The following L3MBTL4 variants were observed in gnomAD, a reference collection of about 807,000 sequenced individuals.
The protein encoded by L3MBTL4 is lethal(3)malignant brain tumor-like protein 4.
Under a neutral mutation model 84.5 loss-of-function variants are expected in L3MBTL4, and 70 were observed. The observed-to-expected ratio is 0.83, with a 90% CI of 0.68 to 1.01. The LOEUF (loss-of-function observed/expected upper bound fraction) is 1.01, where lower values mean the gene tolerates loss of function less well. Ranked by LOEUF, L3MBTL4 falls within the 50% of genes least tolerant of loss-of-function variation. The pLI, the probability that L3MBTL4 is intolerant of heterozygous loss-of-function variation, is 0.00. For missense variants in L3MBTL4, 715 were observed against 754.8 expected (o/e 0.95, Z 0.62); for synonymous variants, 274 against 259.8 (o/e 1.05, Z -0.52).
intron 7 of L3MBTL4, 111 bp downstream of exon 7, chr18:6,243,183 G>T: frequency 3.2e-6 from 3 of 937,536 alleles, no homozygotes; most frequent in Non-Finnish European, 4.5e-6. Context: ...ATTTCATTTT[G>T]GAAATCAATC....
chr18:6,332,851 A>C (rs1258064855), intron 1 of L3MBTL4, among the ~76,000 whole-genome samples: 1 of 152,250 alleles, frequency 6.6e-6, no homozygotes, highest in Non-Finnish European at 1.5e-5. Flanking sequence ...CAGACTAATA[A>C]AAATGTTGAA....
chr18:6,082,286 T>C (rs932939528), intron 15 of L3MBTL4: 2 of 152,186 alleles, frequency 1.3e-5, no homozygotes, highest in Non-Finnish European at 2.9e-5. Flanking sequence ...ATATTCAACA[T>C]ATGTATCATC....
chr18:6,383,906 A>G (rs1024446105), intron 1 of L3MBTL4, among the ~76,000 whole-genome samples: 2 of 152,230 alleles, frequency 1.3e-5, no homozygotes, highest in Admixed American at 6.5e-5. Flanking sequence ...AGGATCAGGT[A>G]CAGTTTTTAA....
chr18:5,969,509 T>C lies in L3MBTL4; in HGVS notation c.1498A>G (p.Thr500Ala), dbSNP rs967956699. 1 of 1,613,584 alleles carries C rather than the reference T, an allele frequency of 6.2e-7. No individual in the cohort carries two copies. The highest frequency in any genetic ancestry group is 8.5e-7 in the Non-Finnish European group (1 of 1,179,884). ...TCCCGAAAAGGGTGGGCTGACACCGTGGACATGGACACTGACTGGTGAAGC... is the reference window on the plus strand; with the variant it reads ...TCCCGAAAAGGGTGGGCTGACACCGCGGACATGGACACTGACTGGTGAAGC... The part of the protein sequence containing the change: ...QVLHQSVSMS[T>A]VSAHPFRDLP... The change falls in exon 17 of 19, where the codon ACG (threonine) becomes GCG (alanine). Residue 500 changes from threonine (T) to alanine (A), a missense_variant. Transcript: ENST00000317931.
intron 5 of L3MBTL4, chr18:6,258,868 C>G (rs1220080899): frequency 6.6e-6 from 1 of 152,152 alleles, no homozygotes; most frequent in Admixed American, 6.6e-5. Flanking sequence ...TGTGAGCAGA[C>G]ACACATGCAC....
chr18:6,371,395 T>C (rs1480962195), intron 1 of L3MBTL4, among the ~76,000 whole-genome samples: 1 of 152,162 alleles, frequency 6.6e-6, no homozygotes, highest in Non-Finnish European at 1.5e-5. Flanking sequence ...GGCTGGTTAC[T>C]CTGTAAGCGA....
At chr18:6,140,951 T>C (rs1248289806) in intron 13 of L3MBTL4, among the ~76,000 whole-genome samples, 1 of 151,778 alleles carries the variant, frequency 6.6e-6, no homozygotes, top group Non-Finnish European at 1.5e-5. Context: ...GTCAGTATTT[T>C]CATGAAATCT....
intron 1 of L3MBTL4, among the ~76,000 whole-genome samples, chr18:6,387,374 T>C (rs1457077818): frequency 6.6e-6 from 1 of 152,222 alleles, no homozygotes; most frequent in East Asian, 1.9e-4. Context: ...GAAAGTTAGT[T>C]GTATTAACAG....
At chr18:6,301,440 T>C (rs2050334633) in intron 4 of L3MBTL4, among the ~76,000 whole-genome samples, 2 of 152,206 alleles carry the variant, frequency 1.3e-5, no homozygotes, top group Non-Finnish European at 2.9e-5. Flanking sequence ...ATGAAAAGGC[T>C]ATTATCTAAA....
At chr18:6,173,036 G>T (rs1011277481) in intron 12 of L3MBTL4, among the ~76,000 whole-genome samples, 24 of 152,096 alleles carry the variant, frequency 1.6e-4, no homozygotes, top group African/African-American at 5.6e-4. Context: ...GCAAATTCTT[G>T]GCTCCACCTC....
At chr18:5,969,659 A>C (rs1297901306) in intron 16 of L3MBTL4, 97 bp from the exon 17 acceptor site, 1 of 1,263,812 alleles carries the variant, frequency 7.9e-7, no homozygotes, top group Middle Eastern at 2.8e-4. Flanking sequence ...CAGGGGACGG[A>C]AAGTGCAGAC....
intron 16 of L3MBTL4, among the ~76,000 whole-genome samples, chr18:5,990,199 G>T (rs2053629710): frequency 6.6e-6 from 1 of 152,218 alleles, no homozygotes; most frequent in African/African-American, 2.4e-5. Flanking sequence ...TGTTCTACAG[G>T]AAGGTTACGT....
chr18:6,028,851 G>A (rs575681413), intron 16 of L3MBTL4, among the ~76,000 whole-genome samples: 148 of 152,184 alleles, frequency 9.7e-4, no homozygotes, highest in African/African-American at 3.4e-3. Context: ...TTGTGATACT[G>A]GAGTCACCAC....
chr18:6,119,586 T>C (rs2059464319), intron 14 of L3MBTL4, among the ~76,000 whole-genome samples: 1 of 152,190 alleles, frequency 6.6e-6, no homozygotes, highest in Non-Finnish European at 1.5e-5. Context: ...ATATCTGCTA[T>C]TTTATTCCTC....
chr18:6,280,768 GC>G (rs1235682250), intron 4 of L3MBTL4, among the ~76,000 whole-genome samples: 8 of 152,292 alleles, frequency 5.3e-5, no homozygotes, highest in African/African-American at 1.9e-4. Context: ...CCCAGCTGTG[GC>G]CAGAGGAAAA....
chr18:6,241,672 T>C (rs1277297932), intron 7 of L3MBTL4, among the ~76,000 whole-genome samples: 1 of 152,204 alleles, frequency 6.6e-6, no homozygotes, highest in East Asian at 1.9e-4. Context: ...CTCCAAATTG[T>C]TTCACCTTTT....
At chr18:6,069,079 G>C (rs1598627747) in intron 16 of L3MBTL4, among the ~76,000 whole-genome samples, 1 of 152,256 alleles carries the variant, frequency 6.6e-6, no homozygotes, top group East Asian at 1.9e-4. Context: ...TCTCCCAGCA[G>C]TGTACACCAG....
chr18:6,147,953 T>C (rs1482585916), intron 13 of L3MBTL4, among the ~76,000 whole-genome samples: 1 of 152,114 alleles, frequency 6.6e-6, no homozygotes, highest in Non-Finnish European at 1.5e-5. Flanking sequence ...TAAATGAGGA[T>C]CCCAGAAAAG....
At chr18:6,371,037 G>A (rs1480036187) in intron 1 of L3MBTL4, among the ~76,000 whole-genome samples, 1 of 152,086 alleles carries the variant, frequency 6.6e-6, no homozygotes, top group Non-Finnish European at 1.5e-5. Context: ...TAGACCCAGG[G>A]TCAGCACAGT....
Sources: gnomAD v4.1 joint callset for allele counts (sites outside exome capture counted in the v4.1 genomes callset) on GRCh38, gnomAD v4.1.1 for gene constraint, MANE v1.5 for transcripts, NCBI Gene and HGNC (gene_info 2026-07-23, HGNC 2026-07-21) for gene names.